HTR4: variants seen among roughly 807,000 people sequenced by gnomAD.
HTR4 encodes the protein 5-hydroxytryptamine receptor 4, also known as 5-hydroxytryptamine (serotonin) receptor 4, G protein-coupled.
A neutral mutation model predicts 36.8 loss-of-function variants in HTR4; 16 were observed. That is an observed-to-expected ratio of 0.43 (90% CI 0.29 to 0.66). HTR4 has a LOEUF of 0.66. HTR4 is among the 30% of genes least tolerant of loss of function. The pLI is 0.13. For synonymous variants in HTR4, 189 were observed against 185.1 expected (o/e 1.02, Z -0.17); for missense variants, 438 against 490.9 (o/e 0.89, Z 1.02).
chr5:148,480,431 T>A (rs895687693), downstream of HTR4, among the ~76,000 whole-genome samples: 1 of 152,220 alleles, frequency 6.6e-6, no homozygotes, highest in African/African-American at 2.4e-5. Context: ...CAGGCTGAAG[T>A]GCAGTGGTGC....
chr5:148,520,901 G>C (rs781272013), intron 5 of HTR4: 5 of 1,367,740 alleles, frequency 3.7e-6, no homozygotes, highest in Non-Finnish European at 4.9e-6. Flanking sequence ...AGAATCCTAA[G>C]GAATACTTGT....
At chr5:148,558,607 C>T (rs973878663) in intron 2 of HTR4, among the ~76,000 whole-genome samples, 1 of 152,158 alleles carries the variant, frequency 6.6e-6, no homozygotes, top group African/African-American at 2.4e-5. Flanking sequence ...CTTAGGTGGA[C>T]ACCTTGCTCC....
At chr5:148,568,357 T>A (rs1359439449) in intron 2 of HTR4, among the ~76,000 whole-genome samples, 4 of 152,170 alleles carry the variant, frequency 2.6e-5, no homozygotes, top group South Asian at 2.1e-4. Flanking sequence ...AGAATTTTTT[T>A]AAAGTATACA....
At chr5:148,476,048 A>T (rs114959753), downstream of HTR4, among the ~76,000 whole-genome samples, 2,253 of 152,346 alleles carry the variant, frequency 0.015, 55 homozygotes, top group African/African-American at 0.052. Flanking sequence ...TTAGGCAGAA[A>T]GGTGCAGAGA....
intron 5 of HTR4, among the ~76,000 whole-genome samples, chr5:148,515,997 T>TAC (rs1757731794): frequency 2.0e-5 from 3 of 150,210 alleles, no homozygotes; most frequent in Non-Finnish European, 3.0e-5. Flanking sequence ...TATATATATA[T>TAC]ACACATATAC....
At chr5:148,614,147 C>A (rs1029968109) in intron 2 of HTR4, among the ~76,000 whole-genome samples, 3 of 152,124 alleles carry the variant, frequency 2.0e-5, no homozygotes, top group Admixed American at 6.5e-5. Flanking sequence ...CATCAAGCTA[C>A]CAATGCCTTT....
At chr5:148,503,399 A>G (rs945618831) in intron 6 of HTR4, among the ~76,000 whole-genome samples, 7 of 152,202 alleles carry the variant, frequency 4.6e-5, no homozygotes, top group African/African-American at 7.2e-5. Context: ...ACTAAGCTTC[A>G]TAAGTGAAGG....
chr5:148,501,594 G>C (rs1177441281), intron 6 of HTR4, among the ~76,000 whole-genome samples: 2 of 152,168 alleles, frequency 1.3e-5, no homozygotes, highest in Non-Finnish European at 2.9e-5. Context: ...TTACATATCA[G>C]ACAATATGTA....
At chr5:148,632,484 G>A (rs1241406598) in intron 2 of HTR4, among the ~76,000 whole-genome samples, 1 of 152,166 alleles carries the variant, frequency 6.6e-6, no homozygotes, top group African/African-American at 2.4e-5. Context: ...CAAGAGGATA[G>A]AGAGCTCATG....
chr5:148,471,744 G>A (rs139024530), downstream of HTR4, among the ~76,000 whole-genome samples: 95 of 152,240 alleles, frequency 6.2e-4, no homozygotes, highest in African/African-American at 1.8e-3. Flanking sequence ...GTTATTTAAC[G>A]TTGGATTTTT....
intron 2 of HTR4, among the ~76,000 whole-genome samples, chr5:148,555,837 G>T (rs1346801829): frequency 6.6e-6 from 1 of 151,962 alleles, no homozygotes; most frequent in Non-Finnish European, 1.5e-5. Context: ...TTCCACATAG[G>T]TTAGTATATG....
chr5:148,489,957 C>G (rs1042993649), intron 6 of HTR4, among the ~76,000 whole-genome samples: 5 of 151,974 alleles, frequency 3.3e-5, no homozygotes, highest in Admixed American at 6.6e-5. Flanking sequence ...AGCAGCTTCT[C>G]CCTTTATGGC....
rs1337009169 is a variant in HTR4, at chr5:148,482,096, G to A, written c.*1107C>T. 1.0e-6 allele frequency: 1 copy of A among 982,688 alleles called. No individual in the cohort carries two copies. Among genetic ancestry groups the A allele is most frequent in the Non-Finnish European group, 1.2e-6 (1 of 827,378 alleles). The allele number at this position is 982,688 out of a possible 1,614,324, so 60.9% of individuals were successfully genotyped here. On this transcript the variant is annotated 3_prime_UTR_variant, in exon 7 of 7. Coordinates refer to ENST00000377888, the MANE Select transcript of HTR4 (RefSeq NM_000870.7). Reference sequence around the variant, plus strand: ...CTATTCAAGATCTCACAGCTTGTTTGCAGCACAGCCAGGGCGGCAATTTGG... The same window carrying A: ...CTATTCAAGATCTCACAGCTTGTTTACAGCACAGCCAGGGCGGCAATTTGG...
chr5:148,649,913 G>C (rs1342939504), intron 1 of HTR4, among the ~76,000 whole-genome samples: 1 of 152,102 alleles, frequency 6.6e-6, no homozygotes, highest in African/African-American at 2.4e-5. Context: ...TTCTCAAATA[G>C]TGGTCTCAAG....
At chr5:148,503,609 A>G (rs1402459547) in intron 6 of HTR4, among the ~76,000 whole-genome samples, 5 of 152,240 alleles carry the variant, frequency 3.3e-5, no homozygotes, top group African/African-American at 9.6e-5. Flanking sequence ...ACCAGCTAAC[A>G]TCATAATGAC....
intron 5 of HTR4, among the ~76,000 whole-genome samples, chr5:148,469,765 A>C (rs1022532968): frequency 6.6e-6 from 1 of 152,196 alleles, no homozygotes; most frequent in African/African-American, 2.4e-5. Context: ...GGCTCCTAGG[A>C]TGCAAAGTAT....
Position 148,482,943 on chromosome 5 carries a change from C to T in HTR4, c.*260G>A, listed in dbSNP as rs1230146423. Reference sequence around the variant, plus strand: ...AACATGTCAGAGACACCAGAGACCACGCGGCAAAAGCAGAGAATCTGGGAA... The same window carrying T: ...AACATGTCAGAGACACCAGAGACCATGCGGCAAAAGCAGAGAATCTGGGAA... On this transcript the variant is annotated 3_prime_UTR_variant, in exon 7 of 7. Coordinates refer to ENST00000377888, the MANE Select transcript of HTR4 (RefSeq NM_000870.7). 1 of 1,355,604 alleles carries T rather than the reference C, an allele frequency of 7.4e-7. No homozygotes were observed. The highest frequency in any genetic ancestry group is 9.5e-7 in the Non-Finnish European group (1 of 1,049,126). 84.0% of individuals were successfully genotyped at this position (1,355,604 alleles called of 1,614,324 possible). A position where few individuals can be genotyped will look rare whatever the true frequency, so the allele number is the denominator to read the frequency against.
At chr5:148,644,696 G>C (rs1366447784) in intron 1 of HTR4, 1 of 152,120 alleles carries the variant, frequency 6.6e-6, no homozygotes, top group Admixed American at 6.5e-5. Context: ...AAGGGGATAG[G>C]AAGGTGGGAT....
At chr5:148,524,652 T>C (rs1758177273) in intron 4 of HTR4, among the ~76,000 whole-genome samples, 1 of 152,200 alleles carries the variant, frequency 6.6e-6, no homozygotes, top group Non-Finnish European at 1.5e-5. Flanking sequence ...GATCTATCAT[T>C]CATTTCTCTT....
Sources: gnomAD v4.1 joint callset for allele counts (sites outside exome capture counted in the v4.1 genomes callset) on GRCh38, gnomAD v4.1.1 for gene constraint, MANE v1.5 for transcripts, NCBI Gene and HGNC (gene_info 2026-07-23, HGNC 2026-07-21) for gene names.